PRDM9: variants seen among roughly 807,000 people sequenced by gnomAD.
PRDM9 encodes histone-lysine N-methyltransferase PRDM9.
Under a neutral mutation model 55.6 loss-of-function variants are expected in PRDM9, and 47 were observed. The ratio of observed to expected loss-of-function variants is 0.85; its 90% CI spans 0.67 to 1.08. The LOEUF (loss-of-function observed/expected upper bound fraction) is 1.08. Among genes scored for constraint, PRDM9 ranks in the 50% least tolerant of loss-of-function variants. PRDM9 has a pLI of 0.00. For missense variants in PRDM9, 867 were observed against 1,040.3 expected, an observed-to-expected ratio of 0.83 and a Z score of 2.29; for synonymous variants, 312 against 375.7, an observed-to-expected ratio of 0.83 and a Z score of 1.96.
chr5:23,509,623 C>T (rs751504540), intron 3 of PRDM9, 30 bp downstream of exon 3: 18 of 1,613,848 alleles, frequency 1.1e-5, no homozygotes, highest in East Asian at 2.2e-5. Flanking sequence ...ACAGACCAGC[C>T]TGGGAGACAT....
chr5:23,525,558 T>A (rs1739414296), intron 10 of PRDM9, among the ~76,000 whole-genome samples: 1 of 152,232 alleles, frequency 6.6e-6, no homozygotes, highest in Non-Finnish European at 1.5e-5. Flanking sequence ...CAGAGTCCTT[T>A]AGTCAGTGGG....
At chr5:23,508,882 A>G in intron 1 of PRDM9, 68 bp from the exon 2 acceptor site, 1 of 859,808 alleles carries the variant, frequency 1.2e-6, no homozygotes, top group Non-Finnish European at 1.8e-6. Flanking sequence ...CCAGATGGAG[A>G]AGACAGAGCC....
chr5:23,521,208 G>C, intron 6 of PRDM9, 29 bp downstream of exon 6: 2 of 1,609,822 alleles, frequency 1.2e-6, no homozygotes, highest in South Asian at 2.2e-5. Context: ...GGGGACTTTA[G>C]TCCCTCTATG....
chr5:23,510,966 T>C (rs1461805506), intron 4 of PRDM9, among the ~76,000 whole-genome samples: 1 of 149,800 alleles, frequency 6.7e-6, no homozygotes, highest in Non-Finnish European at 1.5e-5. Context: ...GCCAACATGG[T>C]GAAACTCCGT....
intron 4 of PRDM9, among the ~76,000 whole-genome samples, chr5:23,517,049 A>C (rs1739226087): frequency 6.7e-6 from 1 of 149,860 alleles, no homozygotes; most frequent in African/African-American, 2.5e-5. Context: ...GCTACTCAGG[A>C]GGCTGAGGCA....
chr5:23,524,542 T>G lies in PRDM9; in HGVS notation c.1144+15T>G. 1 of 1,613,500 alleles carries G rather than the reference T, an allele frequency of 6.2e-7. No individual in the cohort carries two copies. The highest frequency in any genetic ancestry group is 8.5e-7 in the Non-Finnish European group (1 of 1,179,472). On this transcript the variant is annotated intron_variant, in intron 10 of 10. Transcript: ENST00000296682. ...GGCAGGGAGAGGTAGGCATCACTAT[T>G]ACTCTTTTAAAAGGACAGGAAAGAA... is the stretch of plus-strand genomic sequence containing the variant.
chr5:23,510,333 T>C (rs1007036920), intron 4 of PRDM9, among the ~76,000 whole-genome samples: 4 of 151,882 alleles, frequency 2.6e-5, no homozygotes, highest in Non-Finnish European at 5.9e-5. Flanking sequence ...GGTGCTGGGA[T>C]TACAGCCATG....
chr5:23,522,909 C>T (rs1276043332), intron 8 of PRDM9, 24 bp downstream of exon 8: 1 of 1,614,138 alleles, frequency 6.2e-7, no homozygotes, highest in African/African-American at 1.3e-5. Context: ...GCCATTTCCC[C>T]TGTTCTGTCT....
chr5:23,513,645 G>A (rs1436019234), intron 4 of PRDM9, among the ~76,000 whole-genome samples: 4 of 152,032 alleles, frequency 2.6e-5, no homozygotes, highest in Non-Finnish European at 1.5e-5. Context: ...ACTTTGGTAG[G>A]CCGAGGCAGG....
rs754055777 is a variant in PRDM9, at chr5:23,527,658, A to C, written c.2570A>C (p.Glu857Ala). 1.5e-4 allele frequency: 223 copies of C among 1,520,070 alleles called. No homozygotes were observed. Among genetic ancestry groups the C allele is most frequent in the Non-Finnish European group, 1.9e-4 (219 of 1,125,390 alleles). The allele number at this position is 1,520,070 out of a possible 1,614,324, so 94.2% of individuals were successfully genotyped here. Residue 857 changes from glutamate to alanine, a missense_variant, in exon 11 of 11, where the codon GAG becomes GCG. Around this residue, in one of 5 missense-constraint regions of PRDM9, gnomAD observed 86 missense variants for 73.6 expected, o/e 1.17. Coordinates refer to ENST00000296682, the MANE Select transcript of PRDM9 (RefSeq NM_020227.4). Reference sequence around the variant, plus strand: ...AGACACCAGAGGACACACACAGGGGAGAAGCCCTACGTCTGCAGGGAGTGT... The same window carrying C: ...AGACACCAGAGGACACACACAGGGGCGAAGCCCTACGTCTGCAGGGAGTGT... ...LLRHQRTHTG[E>A]KPYVCRECGR...
Position 23,526,825 on chromosome 5 carries a change from C to T in PRDM9, c.1737C>T (p.Pro579=). The T allele has an allele frequency of 6.3e-7, 1 of 1,589,076 alleles. No homozygotes were observed. Among genetic ancestry groups the T allele is most frequent in the South Asian group, 1.1e-5 (1 of 88,872 alleles). The change falls in exon 11 of 11, where the codon CCC becomes CCT. Residue 579 remains proline, a synonymous_variant. Coordinates refer to ENST00000296682, the MANE Select transcript of PRDM9 (RefSeq NM_020227.4). Reference sequence around the variant, plus strand: ...AGAGGATACACACAGGGGAGAAGCCCTATGTCTGCAGGGAGTGTGGGCGGG... The same window carrying T: ...AGAGGATACACACAGGGGAGAAGCCTTATGTCTGCAGGGAGTGTGGGCGGG... ...IHQRIHTGEK[P]YVCRECGRGF... is the part of the protein sequence containing the mutation.
In PRDM9 at chr5:23,522,374, G is replaced by T; in HGVS notation, c.579G>T (p.Glu193Asp). Residue 193 changes from glutamate to aspartate, a missense_variant, in exon 7 of 11, where the codon GAG becomes GAT. Glu to Asp is a conservative substitution (Grantham distance 45, BLOSUM62 2). Coordinates refer to ENST00000296682, the MANE Select transcript of PRDM9 (RefSeq NM_020227.4). ...AAAGAAAGGGTCATGCATACAAAGAGGTCAGCGAGCCGCAGGATGATGATT... is the reference window on the plus strand; with the variant it reads ...AAAGAAAGGGTCATGCATACAAAGATGTCAGCGAGCCGCAGGATGATGATT... ...LRERKGHAYK[E>D]VSEPQDDDYL... The T allele has an allele frequency of 6.2e-7, 1 of 1,614,122 alleles. No homozygotes were observed. The highest frequency in any genetic ancestry group is 8.5e-7 in the Non-Finnish European group (1 of 1,180,008).
At chr5:23,522,947 G>A in intron 8 of PRDM9, 62 bp downstream of exon 8, 1 of 1,612,716 alleles carries the variant, frequency 6.2e-7, no homozygotes, top group Admixed American at 1.7e-5. Flanking sequence ...GCCTTTGGTG[G>A]GGCATAATCT....
chr5:23,520,860 C>G (rs1490946210), intron 5 of PRDM9, among the ~76,000 whole-genome samples, 163 bp from the exon 6 acceptor site: 1 of 152,176 alleles, frequency 6.6e-6, no homozygotes, highest in African/African-American at 2.4e-5. Context: ...GTCCCAGATT[C>G]ACTACTCACT....
rs1419899744 is a variant in PRDM9, at chr5:23,527,984, T to C, written c.*211T>C. 2 of 702,628 alleles carry C rather than the reference T, an allele frequency of 2.8e-6. No individual in the cohort carries two copies. Among genetic ancestry groups the C allele is most frequent in the Non-Finnish European group, 2.4e-6 (1 of 419,944 alleles). 43.5% of individuals were successfully genotyped at this position (702,628 alleles called of 1,614,324 possible). Reference sequence around the variant, plus strand: ...GAAGAACAAGGGATAGTTCTGTAAGTGTTCGGGGGACATCAGCATGTGTGG... The same window carrying C: ...GAAGAACAAGGGATAGTTCTGTAAGCGTTCGGGGGACATCAGCATGTGTGG... On this transcript the variant is annotated 3_prime_UTR_variant, in exon 11 of 11. Transcript: ENST00000296682.
At chr5:23,521,900 A>G (rs1357970305) in intron 6 of PRDM9, among the ~76,000 whole-genome samples, 2 of 152,188 alleles carry the variant, frequency 1.3e-5, no homozygotes, top group African/African-American at 4.8e-5. Context: ...GCATTTCTAC[A>G]TTTCCTCTTC....
intron 5 of PRDM9, among the ~76,000 whole-genome samples, chr5:23,520,015 G>A (rs1357682347): frequency 6.7e-6 from 1 of 149,340 alleles, no homozygotes; most frequent in Non-Finnish European, 1.5e-5. Context: ...CTGCACTCCA[G>A]CTTAGGCAAC....
At chr5:23,518,141 C>G (rs2126420195) in intron 5 of PRDM9, among the ~76,000 whole-genome samples, 1 of 152,298 alleles carries the variant, frequency 6.6e-6, no homozygotes, top group Non-Finnish European at 1.5e-5. Context: ...TATTTTCAGA[C>G]TCTATTTTAA....
chr5:23,508,856 T>C, intron 1 of PRDM9, 94 bp from the exon 2 acceptor site: 1 of 709,268 alleles, frequency 1.4e-6, no homozygotes, highest in Non-Finnish European at 2.4e-6. Context: ...CACATCTTCC[T>C]GCTCTGAACA....
Sources: allele counts gnomAD v4.1 joint callset (sites outside exome capture counted in the v4.1 genomes callset), GRCh38; gene constraint gnomAD v4.1.1; regional missense constraint gnomAD v4.1.1; transcripts MANE v1.5; gene names NCBI Gene and HGNC (gene_info 2026-07-23, HGNC 2026-07-21).